WDR70: variants seen among roughly 807,000 people sequenced by gnomAD.
WDR70 encodes WD repeat domain 70.
In WDR70, 53 loss-of-function variants were observed where a neutral mutation model predicts 88.6. That is an observed-to-expected ratio of 0.60 (90% confidence interval 0.48 to 0.75). The LOEUF (loss-of-function observed/expected upper bound fraction) is 0.75, where lower values mean the gene tolerates loss of function less well. WDR70 is among the 30% of genes least tolerant of loss of function. The pLI, the probability that WDR70 is intolerant of heterozygous loss-of-function variation, is 0.00. For missense variants in WDR70, 610 were observed against 823.2 expected, an observed-to-expected ratio of 0.74 and a Z score of 3.17; for synonymous variants, 280 against 270.0, an observed-to-expected ratio of 1.04 and a Z score of -0.36.
chr5:37,667,061 T>C (rs1204019456), intron 10 of WDR70, among the ~76,000 whole-genome samples: 1 of 152,158 alleles, frequency 6.6e-6, no homozygotes, highest in Non-Finnish European at 1.5e-5. Context: ...GACTGGTAGG[T>C]GATTTTTATT....
chr5:37,730,361 A>G (rs1425090012), intron 17 of WDR70, among the ~76,000 whole-genome samples: 4 of 152,054 alleles, frequency 2.6e-5, no homozygotes, highest in Non-Finnish European at 5.9e-5. Context: ...GCTTCTTTTC[A>G]TCCCCCATCT....
At chr5:37,424,122 C>T (rs1046385415) in intron 5 of WDR70, among the ~76,000 whole-genome samples, 4 of 130,478 alleles carry the variant, frequency 3.1e-5, no homozygotes, top group Admixed American at 8.6e-5. Context: ...GCATTCCAGC[C>T]GTGGCGGCAG....
chr5:37,679,353 C>A (rs1218176533), intron 10 of WDR70, among the ~76,000 whole-genome samples: 9 of 150,902 alleles, frequency 6.0e-5, no homozygotes, highest in Non-Finnish European at 8.9e-5. Context: ...TTTTCCCCAT[C>A]TTTATGGTTT....
intron 8 of WDR70, among the ~76,000 whole-genome samples, chr5:37,487,627 ATTTT>A (rs70978825): frequency 4.6e-4 from 32 of 69,070 alleles, no homozygotes; most frequent in African/African-American, 1.4e-3. Context: ...ATATATATGT[ATTTT>A]TTTTTTTTTT....
At chr5:37,695,401 C>T (rs1746951706) in intron 10 of WDR70, among the ~76,000 whole-genome samples, 1 of 152,158 alleles carries the variant, frequency 6.6e-6, no homozygotes, top group African/African-American at 2.4e-5. Flanking sequence ...TATCTGGGGC[C>T]TGTTCATATC....
At position 37,645,036 on chromosome 5, in the gene WDR70, C is replaced by T. The variant is rs1452851275; in HGVS notation, c.1092+39798C>T. Among the ~76,000 whole-genome samples the T allele has an allele frequency of 2.0e-5, 3 of 151,576 alleles. No homozygotes were observed. The East Asian group carries it at 5.8e-4, about 29-fold the overall frequency. The stretch of plus-strand genomic sequence containing the variant: ...CTACTAGTTTTGGGTTTGGTTTGCT[C>T]TTGCTTTTCTTGTTCTTTAAGGTGT... On this transcript the variant is annotated intron_variant, in intron 10 of 17. Coordinates refer to ENST00000265107, the MANE Select transcript of WDR70 (RefSeq NM_018034.4).
intron 4 of WDR70, among the ~76,000 whole-genome samples, chr5:37,393,538 G>T (rs564314120): frequency 1.3e-5 from 2 of 151,692 alleles, no homozygotes; most frequent in African/African-American, 4.8e-5. Flanking sequence ...TTTGTTTTCC[G>T]TAGGTTCTGA....
intron 9 of WDR70, among the ~76,000 whole-genome samples, chr5:37,603,817 T>C (rs1380420759): frequency 1.3e-5 from 2 of 152,230 alleles, no homozygotes; most frequent in South Asian, 2.1e-4. Flanking sequence ...TATAAAAATA[T>C]GATAGCAATT....
intron 8 of WDR70, chr5:37,506,994 G>GAT (rs1554144726): frequency 1.1e-5 from 6 of 535,636 alleles, no homozygotes; most frequent in Admixed American, 6.0e-5. Flanking sequence ...TGCCCTTGGG[G>GAT]ACACACACAC....
intron 13 of WDR70, among the ~76,000 whole-genome samples, chr5:37,705,353 T>C (rs1325900196): frequency 6.6e-6 from 1 of 152,082 alleles, no homozygotes; most frequent in African/African-American, 2.4e-5. Flanking sequence ...GAAATTTCAT[T>C]AAATAAATAG....
At chr5:37,528,316 C>T (rs1207732394) in intron 9 of WDR70, among the ~76,000 whole-genome samples, 2 of 152,146 alleles carry the variant, frequency 1.3e-5, no homozygotes, top group Non-Finnish European at 2.9e-5. Context: ...ATGATGAGTT[C>T]ATGTCCGTTG....
chr5:37,382,842 G>C (rs1581237842), intron 3 of WDR70, among the ~76,000 whole-genome samples: 1 of 151,992 alleles, frequency 6.6e-6, no homozygotes, highest in South Asian at 2.1e-4. Flanking sequence ...GTGAAACCCC[G>C]TCTTGACTGA....
chr5:37,691,848 CT>C (rs1746805337), intron 10 of WDR70, among the ~76,000 whole-genome samples: 1 of 152,106 alleles, frequency 6.6e-6, no homozygotes, highest in Admixed American at 6.6e-5. Context: ...CAAGAAATAA[CT>C]AAGATCAGAG....
At chr5:37,493,680 G>A (rs1740134240) in intron 8 of WDR70, among the ~76,000 whole-genome samples, 1 of 152,062 alleles carries the variant, frequency 6.6e-6, no homozygotes, top group Non-Finnish European at 1.5e-5. Flanking sequence ...AAGTCCCTAG[G>A]TTTTTGGTAA....
chr5:37,661,965 C>T (rs1745710278), intron 10 of WDR70, among the ~76,000 whole-genome samples: 1 of 152,102 alleles, frequency 6.6e-6, no homozygotes, highest in South Asian at 2.1e-4. Flanking sequence ...AGAATGGTCC[C>T]CAGGCAAGAA....
intron 10 of WDR70, among the ~76,000 whole-genome samples, chr5:37,648,356 A>G (rs1265389624): frequency 1.3e-5 from 2 of 152,084 alleles, no homozygotes; most frequent in Non-Finnish European, 2.9e-5. Flanking sequence ...ACACCATACC[A>G]TGTCTTTCAG....
chr5:37,428,242 A>T (rs930898520), intron 5 of WDR70, among the ~76,000 whole-genome samples: 2 of 152,190 alleles, frequency 1.3e-5, no homozygotes, highest in East Asian at 1.9e-4. Context: ...TTTTCTGCAG[A>T]TATCAGCAAA....
At chr5:37,706,824 C>G (rs1256261276) in intron 13 of WDR70, among the ~76,000 whole-genome samples, 1 of 151,980 alleles carries the variant, frequency 6.6e-6, no homozygotes, top group Non-Finnish European at 1.5e-5. Flanking sequence ...TGCTTGGCCT[C>G]TTTTCTAAGA....
At chr5:37,699,398 T>TACACACACACAC (rs780835202) in intron 11 of WDR70, among the ~76,000 whole-genome samples, 19,981 of 73,732 alleles carry the variant, frequency 0.27, 1,754 homozygotes, top group East Asian at 0.43. Flanking sequence ...TGTGTATATA[T>TACACACACACAC]ATATACACAC....
Sources: allele counts gnomAD v4.1 joint callset (sites outside exome capture counted in the v4.1 genomes callset), GRCh38; gene constraint gnomAD v4.1.1; transcripts MANE v1.5; gene names NCBI Gene and HGNC (gene_info 2026-07-23, HGNC 2026-07-21).